The following ATP2C2 variants were observed in gnomAD, a reference collection of about 807,000 sequenced individuals.
ATP2C2 encodes ATPase secretory pathway Ca2+ transporting 2.
A neutral mutation model predicts 110.8 loss-of-function variants in ATP2C2; 171 were observed. That is an observed-to-expected ratio of 1.54 (90% CI 1.36 to 1.75). The LOEUF (loss-of-function observed/expected upper bound fraction) is 1.75. Among genes scored for constraint, ATP2C2 ranks in the 40% most tolerant of loss-of-function variants. The pLI is 0.00. For synonymous variants in ATP2C2, 804 were observed against 508.4 expected, an observed-to-expected ratio of 1.58 and a Z score of -7.82; for missense variants, 1,963 against 1,235.0, an observed-to-expected ratio of 1.59 and a Z score of -8.84.
At chr16:84,392,620 G>A (rs774020896) in intron 1 of ATP2C2, among the ~76,000 whole-genome samples, 9 of 152,108 alleles carry the variant, frequency 5.9e-5, no homozygotes, top group African/African-American at 9.7e-5. Context: ...CCGCCACCAC[G>A]CCCGGCTAAT....
At chr16:84,427,246 G>C (rs1175053306) in intron 11 of ATP2C2, among the ~76,000 whole-genome samples, 2 of 152,098 alleles carry the variant, frequency 1.3e-5, no homozygotes, top group Non-Finnish European at 2.9e-5. Flanking sequence ...AACAAACTTA[G>C]ATGTCCATCA....
At position 84,425,783 on chromosome 16, in the gene ATP2C2, T is replaced by A. The variant is rs1907759163; in HGVS notation, c.968T>A (p.Met323Lys). 1 of 1,614,048 alleles carries A rather than the reference T, an allele frequency of 6.2e-7. No homozygotes were observed. The highest frequency in any genetic ancestry group is 1.7e-5 in the Admixed American group (1 of 59,994). ...TCGCAAGGGAAACAACTCCTGAGTA[T>A]GTTCACGATCGGGGTCAGGTAAGAG... ...GWSQGKQLLS[M>K]FTIGVSLAVA... is the part of the protein sequence containing the mutation. The change falls in exon 11 of 27, where the codon ATG becomes AAG. Residue 323 changes from methionine to lysine, a missense_variant. Met to Lys is a moderately conservative substitution (Grantham distance 95, BLOSUM62 -1). Coordinates refer to ENST00000262429, the MANE Select transcript of ATP2C2 (RefSeq NM_014861.4).
At chr16:84,424,123 A>C (rs1907593655) in intron 10 of ATP2C2, among the ~76,000 whole-genome samples, 1 of 152,212 alleles carries the variant, frequency 6.6e-6, no homozygotes, top group South Asian at 2.1e-4. Context: ...TGCCTATAGC[A>C]CATCTAGTGA....
intron 11 of ATP2C2, 36 bp from the exon 12 acceptor site, chr16:84,439,130 T>G: frequency 1.2e-6 from 2 of 1,610,848 alleles, no homozygotes; most frequent in Non-Finnish European, 1.7e-6. Context: ...ACTCCTTAAA[T>G]GTGTTAGAGG....
intron 17 of ATP2C2, among the ~76,000 whole-genome samples, chr16:84,451,447 G>C (rs114320127): frequency 0.042 from 6,401 of 152,322 alleles, 166 homozygotes; most frequent in Middle Eastern, 0.092. Context: ...GCGCAGGCCT[G>C]AGAGCCGCTG....
chr16:84,408,554 G>C, intron 4 of ATP2C2, 60 bp downstream of exon 4: 1 of 1,352,120 alleles, frequency 7.4e-7, no homozygotes, highest in South Asian at 1.2e-5. Flanking sequence ...CTGAGTCTCT[G>C]CTTGTTATTG....
intron 1 of ATP2C2, among the ~76,000 whole-genome samples, chr16:84,370,968 T>C (rs1167194739): frequency 6.6e-6 from 1 of 152,214 alleles, no homozygotes; most frequent in Non-Finnish European, 1.5e-5. Flanking sequence ...GTTTGTTTGC[T>C]CAGTGAGCAT....
At chr16:84,449,983 A>G (rs946156411) in intron 17 of ATP2C2, among the ~76,000 whole-genome samples, 1 of 152,198 alleles carries the variant, frequency 6.6e-6, no homozygotes, top group East Asian at 1.9e-4. Context: ...CGGGCAGAGG[A>G]GCCGGCCCAG....
At position 84,461,769 on chromosome 16, in the gene ATP2C2, T is replaced by C. The variant is rs1180869383; in HGVS notation, c.2537T>C (p.Phe846Ser). ...PRTTTMTFTC[F>S]VFFDLFNALT... ...ACCACGACGATGACGTTCACTTGTT[T>C]TGTGTTTTTCGATCTCTTCAACGCC... Residue 846 changes from phenylalanine (F) to serine (S), a missense_variant, in exon 25 of 27, where the codon TTT becomes TCT. Phe to Ser is a radical substitution (Grantham distance 155). Coordinates refer to ENST00000262429, the MANE Select transcript of ATP2C2 (RefSeq NM_014861.4). The C allele has an allele frequency of 3.1e-6, 5 of 1,614,078 alleles. No homozygotes were observed. The highest frequency in any genetic ancestry group is 2.7e-5 in the African/African-American group (2 of 74,914).
At chr16:84,433,646 C>T (rs1447910794) in intron 11 of ATP2C2, among the ~76,000 whole-genome samples, 4 of 150,528 alleles carry the variant, frequency 2.7e-5, no homozygotes, top group Admixed American at 1.3e-4. Flanking sequence ...AGCAAGACTC[C>T]GTCTCAAAAA....
rs906027290 is a variant in ATP2C2 at position 84,461,739 on chromosome 16, C to A, written c.2507C>A (p.Pro836His). The A allele has an allele frequency of 1.2e-6, 2 of 1,614,180 alleles. No homozygotes were observed. The highest frequency in any genetic ancestry group is 1.1e-5 in the South Asian group (1 of 91,082). ...ATGCCTGAAGACAGAGCAAGCACTCCCCGCACCACGACGATGACGTTCACT... is the reference window on the plus strand; with the variant it reads ...ATGCCTGAAGACAGAGCAAGCACTCACCGCACCACGACGATGACGTTCACT... ...KEMPEDRAST[P>H]RTTTMTFTCF... Residue 836 changes from proline to histidine, a missense_variant, in exon 25 of 27, where the codon CCC becomes CAC. Coordinates refer to ENST00000262429, the MANE Select transcript of ATP2C2 (RefSeq NM_014861.4).
intron 3 of ATP2C2, among the ~76,000 whole-genome samples, chr16:84,407,742 G>A (rs150823945): frequency 6.6e-6 from 1 of 152,150 alleles, no homozygotes. Flanking sequence ...AAAGGGCTGG[G>A]ATTACAGTGT....
rs115593981 is a variant in ATP2C2, at chr16:84,460,808, G to T, written c.2481+7G>T. On this transcript the variant is annotated splice_region_variant and intron_variant, in intron 24 of 26. Coordinates refer to ENST00000262429, the MANE Select transcript of ATP2C2 (RefSeq NM_014861.4). ...CTTTATCTTCTGGAAGGAGGTGAGC[G>T]AGGGTCACCCCGGCCTGTTCTCCAA... is the stretch of plus-strand genomic sequence containing the variant. 4,525 of 1,609,212 alleles carry T rather than the reference G, an allele frequency of 2.8e-3. 115 individuals carry two copies. In the African/African-American group the frequency reaches 0.054, roughly 19 times the overall value.
chr16:84,412,356 G>GTGTGTGCA (rs1555557496), intron 6 of ATP2C2, among the ~76,000 whole-genome samples: 166 of 149,176 alleles, frequency 1.1e-3, no homozygotes, highest in Non-Finnish European at 1.1e-3. Flanking sequence ...GTCTGCGTGC[G>GTGTGTGCA]TGTGTGCATG....
chr16:84,434,224 C>T (rs773715296), intron 11 of ATP2C2, among the ~76,000 whole-genome samples: 29 of 151,826 alleles, frequency 1.9e-4, no homozygotes, highest in Non-Finnish European at 2.6e-4. Flanking sequence ...GAGATCATCC[C>T]GGCCCACATT....
chr16:84,424,191 G>A (rs1567714272), intron 10 of ATP2C2, among the ~76,000 whole-genome samples: 1 of 152,224 alleles, frequency 6.6e-6, no homozygotes, highest in South Asian at 2.1e-4. Context: ...AGTCTTGAGA[G>A]AAACAGCTTA....
At chr16:84,376,253 G>C (rs1182955318) in intron 1 of ATP2C2, among the ~76,000 whole-genome samples, 3 of 152,220 alleles carry the variant, frequency 2.0e-5, no homozygotes, top group African/African-American at 7.2e-5. Flanking sequence ...TTCAAGGAAG[G>C]CAGGTGAGGC....
chr16:84,441,351 G>T (rs968709833), intron 14 of ATP2C2, among the ~76,000 whole-genome samples: 1 of 152,196 alleles, frequency 6.6e-6, no homozygotes, highest in African/African-American at 2.4e-5. Context: ...GCTCTAAGGA[G>T]ACTCCTGCCC....
Position 84,459,203 on chromosome 16 carries a change from G to A in ATP2C2, c.2216+15G>A, listed in dbSNP as rs941550968. 3.1e-6 allele frequency: 5 copies of A among 1,614,112 alleles called. No homozygotes were observed. In the African/African-American group the frequency reaches 4.0e-5, roughly 13 times the overall value. ...CAGCTGAGCACGTAAGTAGAGGCCA[G>A]CATTCCGAGTGTCATTAAGCACCAC... On this transcript the variant is annotated intron_variant, in intron 22 of 26. Transcript: ENST00000262429.
Sources: gnomAD v4.1 joint callset for allele counts (sites outside exome capture counted in the v4.1 genomes callset) on GRCh38, gnomAD v4.1.1 for gene constraint, MANE v1.5 for transcripts, NCBI Gene and HGNC (gene_info 2026-07-23, HGNC 2026-07-21) for gene names.